The following ITPR1 variants were observed in gnomAD, a reference collection of about 807,000 sequenced individuals.
The protein encoded by ITPR1 is inositol 1,4,5-trisphosphate-gated calcium channel ITPR1.
In ITPR1, 96 loss-of-function variants were observed where a neutral mutation model predicts 318.4. That is an observed-to-expected ratio of 0.30 (90% CI 0.26 to 0.36). ITPR1 has a LOEUF of 0.36. Ranked by LOEUF, ITPR1 falls within the 10% of genes least tolerant of loss-of-function variation. ITPR1 has a pLI of 1.00. For synonymous variants in ITPR1, 1,312 were observed against 1,289.9 expected, an observed-to-expected ratio of 1.02 and a Z score of -0.37; for missense variants, 2,440 against 3,460.2, an observed-to-expected ratio of 0.71 and a Z score of 7.40.
intron 20 of ITPR1, among the ~76,000 whole-genome samples, chr3:4,671,269 A>C (rs2094074403): frequency 6.6e-6 from 1 of 152,172 alleles, no homozygotes; most frequent in Non-Finnish European, 1.5e-5. Flanking sequence ...GACATTGGCC[A>C]AGTTTGATTT....
At chr3:4,800,322 C>A in intron 53 of ITPR1, 103 bp from the exon 54 acceptor site, 1 of 1,269,678 alleles carries the variant, frequency 7.9e-7, no homozygotes, top group Non-Finnish European at 1.1e-6. Flanking sequence ...ACTGGTAAGC[C>A]AAAAAAGTTA....
At chr3:4,592,805 G>C (rs544991187) in intron 4 of ITPR1, among the ~76,000 whole-genome samples, 1 of 152,338 alleles carries the variant, frequency 6.6e-6, no homozygotes, top group South Asian at 2.1e-4. Flanking sequence ...TTAGCACTTA[G>C]ATGCCTCTTT....
At chr3:4,713,627 G>T (rs1180113358) in intron 39 of ITPR1, among the ~76,000 whole-genome samples, 1 of 152,330 alleles carries the variant, frequency 6.6e-6, no homozygotes, top group East Asian at 1.9e-4. Context: ...CATGAGAAAT[G>T]TCGTAATGCA....
At chr3:4,661,730 G>A (rs962657081) in intron 14 of ITPR1, among the ~76,000 whole-genome samples, 2 of 152,142 alleles carry the variant, frequency 1.3e-5, no homozygotes, top group Non-Finnish European at 2.9e-5. Flanking sequence ...TCCTTATAAT[G>A]CTCCTCACTT....
intron 19 of ITPR1, among the ~76,000 whole-genome samples, chr3:4,670,331 T>G (rs1683457010): frequency 6.6e-6 from 1 of 152,236 alleles, no homozygotes; most frequent in African/African-American, 2.4e-5. Flanking sequence ...AACTCAGTTT[T>G]GGGCTTGGGC....
chr3:4,642,703 G>T (rs1575856965), intron 7 of ITPR1, among the ~76,000 whole-genome samples: 1 of 152,338 alleles, frequency 6.6e-6, no homozygotes, highest in South Asian at 2.1e-4. Flanking sequence ...CGAGAAGCCG[G>T]CAGGCTCCCC....
In ITPR1 at chr3:4,516,489, G is replaced by C; in HGVS notation, c.-3G>C. 6.5e-7 allele frequency: 1 copy of C among 1,549,846 alleles called. No individual in the cohort carries two copies. Among genetic ancestry groups the C allele is most frequent in the Non-Finnish European group, 8.8e-7 (1 of 1,139,634 alleles). ...TACTTTGTCTAGGATTTTCAAGAAAGACATGTCTGACAAAATGTCTAGCTT... is the reference window on the plus strand; with the variant it reads ...TACTTTGTCTAGGATTTTCAAGAAACACATGTCTGACAAAATGTCTAGCTT... On this transcript the variant is annotated 5_prime_UTR_variant, in exon 3 of 62. Coordinates refer to ENST00000649015, the MANE Select transcript of ITPR1 (RefSeq NM_001378452.1).
chr3:4,683,274 C>A, intron 26 of ITPR1, 112 bp from the exon 27 acceptor site: 1 of 995,610 alleles, frequency 1.0e-6, no homozygotes, highest in Non-Finnish European at 1.6e-6. Flanking sequence ...AATTGCATGT[C>A]TGGAGATCAC....
chr3:4,807,885 C>T (rs1006701342), intron 55 of ITPR1, among the ~76,000 whole-genome samples: 1 of 152,170 alleles, frequency 6.6e-6, no homozygotes, highest in Non-Finnish European at 1.5e-5. Context: ...CTTGGGAGGG[C>T]GGCAGAGTTC....
At chr3:4,624,407 G>A (rs988179055) in intron 4 of ITPR1, among the ~76,000 whole-genome samples, 6 of 152,064 alleles carry the variant, frequency 3.9e-5, no homozygotes, top group South Asian at 2.1e-4. Context: ...AGTGTCTCAC[G>A]CCTGTAATCC....
intron 5 of ITPR1, among the ~76,000 whole-genome samples, chr3:4,634,208 A>G (rs1223092228): frequency 1.3e-5 from 2 of 152,120 alleles, no homozygotes; most frequent in African/African-American, 4.8e-5. Flanking sequence ...AACACATTTA[A>G]GATGCCTTTT....
intron 36 of ITPR1, among the ~76,000 whole-genome samples, chr3:4,705,527 G>C (rs1054261807): frequency 6.6e-6 from 1 of 152,116 alleles, no homozygotes; most frequent in African/African-American, 2.4e-5. Flanking sequence ...AGTCTCTTCT[G>C]GTCTGTGACC....
At chr3:4,834,461 C>G (rs984914141) in intron 60 of ITPR1, among the ~76,000 whole-genome samples, 5 of 152,106 alleles carry the variant, frequency 3.3e-5, no homozygotes, top group Non-Finnish European at 5.9e-5. Flanking sequence ...TCCAGGGCCT[C>G]GTGCTAAGTG....
chr3:4,554,891 A>G (rs926697889), intron 4 of ITPR1, among the ~76,000 whole-genome samples: 3 of 152,218 alleles, frequency 2.0e-5, no homozygotes, highest in Non-Finnish European at 4.4e-5. Flanking sequence ...AATGGCAATA[A>G]AAGAACTGTT....
At chr3:4,539,307 C>T (rs927540902) in intron 4 of ITPR1, among the ~76,000 whole-genome samples, 2 of 151,972 alleles carry the variant, frequency 1.3e-5, no homozygotes, top group African/African-American at 4.8e-5. Context: ...TTTATCAGTC[C>T]TTTACAACTT....
chr3:4,641,790 A>C (rs1348674068), intron 6 of ITPR1, among the ~76,000 whole-genome samples: 2 of 152,164 alleles, frequency 1.3e-5, no homozygotes, highest in Non-Finnish European at 2.9e-5. Context: ...GGCTAGGTCC[A>C]CCCCACTGAC....
Position 4,779,472 on chromosome 3 carries a change from T to C in ITPR1, c.6292-78T>C. 9.9e-7 allele frequency: 1 copy of C among 1,013,818 alleles called. No individual in the cohort carries two copies. The highest frequency in any genetic ancestry group is 1.6e-6 in the Non-Finnish European group (1 of 638,086). 62.8% of individuals were successfully genotyped at this position (1,013,818 alleles called of 1,614,324 possible). On this transcript the variant is annotated intron_variant, in intron 48 of 61. Coordinates refer to ENST00000649015, the MANE Select transcript of ITPR1 (RefSeq NM_001378452.1). This position sits in a 1 kb window ranked among gnomAD's most constrained non-coding sequence, Gnocchi z 4.0. ...CTGTTTAGCCGGGATGCCTCCCATG[T>C]GCCAGTTGGCACCTGCATTCAGGCC...
chr3:4,795,006 T>A, intron 52 of ITPR1, 59 bp from the exon 53 acceptor site: 1 of 1,516,554 alleles, frequency 6.6e-7, no homozygotes, highest in East Asian at 2.3e-5. Flanking sequence ...CCACATTGCA[T>A]TCCTGGCGTT....
intron 8 of ITPR1, 105 bp from the exon 9 acceptor site, chr3:4,645,282 C>T (rs1575871364): frequency 1.3e-6 from 1 of 772,620 alleles, no homozygotes; most frequent in South Asian, 1.5e-5. Flanking sequence ...AGTTTTTAGT[C>T]TCAAGTACAG....
Sources: gnomAD v4.1 joint callset for allele counts (sites outside exome capture counted in the v4.1 genomes callset) on GRCh38, gnomAD v4.1.1 for gene constraint, Gnocchi (gnomAD v3.1) non-coding constraint, MANE v1.5 for transcripts, NCBI Gene and HGNC (gene_info 2026-07-23, HGNC 2026-07-21) for gene names.